Variants in EYS observed in about 807,000 individuals in gnomAD.
The protein encoded by EYS is EGF-like photoreceptor maintenance factor, also known as protein eyes shut homolog.
A neutral mutation model predicts 282.1 loss-of-function variants in EYS; 250 were observed. That is an observed-to-expected ratio of 0.89 (90% CI 0.80 to 0.98). EYS has a LOEUF of 0.98. Ranked by LOEUF, EYS falls within the 50% of genes least tolerant of loss-of-function variation. The pLI is 0.00. For missense variants in EYS, 4,016 were observed against 3,709.0 expected, an observed-to-expected ratio of 1.08 and a Z score of -2.15; for synonymous variants, 1,355 against 1,282.9, an observed-to-expected ratio of 1.06 and a Z score of -1.20.
chr6:65,562,479 G>A (rs534721500), intron 2 of EYS, among the ~76,000 whole-genome samples: 1 of 152,006 alleles, frequency 6.6e-6, no homozygotes, highest in Non-Finnish European at 1.5e-5. Flanking sequence ...TGGAAAGAAT[G>A]AAATAAGTGA....
At chr6:64,310,981 T>A (rs1769675354) in intron 29 of EYS, among the ~76,000 whole-genome samples, 1 of 152,106 alleles carries the variant, frequency 6.6e-6, no homozygotes, top group Non-Finnish European at 1.5e-5. Context: ...CAAAGGTTCT[T>A]GTTTTTATAA....
chr6:63,760,660 C>CTATCTATCTATT (rs1239513975), intron 41 of EYS, among the ~76,000 whole-genome samples: 1 of 93,796 alleles, frequency 1.1e-5, no homozygotes, highest in African/African-American at 3.9e-5. Flanking sequence ...ATCTATCTAT[C>CTATCTATCTATT]TATCTATCTA....
intron 8 of EYS, among the ~76,000 whole-genome samples, chr6:65,380,079 A>G (rs1045750257): frequency 6.6e-6 from 1 of 152,114 alleles, no homozygotes; most frequent in Non-Finnish European, 1.5e-5. Context: ...TATTCCCATC[A>G]ATCTTCCATC....
chr6:65,682,670 C>T (rs892258992), intron 1 of EYS, among the ~76,000 whole-genome samples: 5 of 151,772 alleles, frequency 3.3e-5, no homozygotes, highest in Admixed American at 6.6e-5. Context: ...TCTCCGGGAG[C>T]TCCAATATAG....
chr6:64,595,766 T>C (rs12209029), intron 24 of EYS, among the ~76,000 whole-genome samples: 84,875 of 151,978 alleles, frequency 0.56, 23,777 homozygotes, highest in South Asian at 0.65. Flanking sequence ...TACAAAACAC[T>C]GATGCAAGAC....
At chr6:64,515,232 A>G (rs1474303943) in intron 26 of EYS, among the ~76,000 whole-genome samples, 3 of 151,746 alleles carry the variant, frequency 2.0e-5, no homozygotes, top group African/African-American at 4.8e-5. Context: ...TGGATTAAGA[A>G]TAATTTTATG....
At position 65,164,744 on chromosome 6, in the gene EYS, G is replaced by T. The variant is rs563922904; in HGVS notation, c.2024-107017C>A. On this transcript the variant is annotated intron_variant, in intron 12 of 42. Transcript: ENST00000503581. ...AGGTGCCAGCGATGTTGGTTACTTC[G>T]GAGTGCTGTGAAAAAGAGTCGGTTT... Among the ~76,000 whole-genome samples the T allele has an allele frequency of 2.8e-4, 43 of 151,272 alleles. 1 individual carries two copies. Among genetic ancestry groups the T allele is most frequent in the African/African-American group, 1.0e-3 (43 of 41,384 alleles).
intron 22 of EYS, among the ~76,000 whole-genome samples, chr6:64,790,912 T>A (rs1056531469): frequency 1.3e-5 from 2 of 151,950 alleles, no homozygotes; most frequent in African/African-American, 4.8e-5. Flanking sequence ...AAAAATTTCC[T>A]CTCTACATAA....
intron 22 of EYS, among the ~76,000 whole-genome samples, chr6:64,739,893 A>G (rs183090799): frequency 2.0e-5 from 3 of 152,262 alleles, no homozygotes; most frequent in African/African-American, 7.2e-5. Context: ...AAATAAGTGA[A>G]TAGGAAATAA....
intron 22 of EYS, among the ~76,000 whole-genome samples, chr6:64,718,620 A>G (rs1313812341): frequency 6.6e-6 from 1 of 152,190 alleles, no homozygotes; most frequent in African/African-American, 2.4e-5. Context: ...TGCATAGCAC[A>G]GTACATTTTA....
intron 29 of EYS, among the ~76,000 whole-genome samples, chr6:64,366,407 T>G (rs112234086): frequency 6.6e-6 from 1 of 151,946 alleles, no homozygotes; most frequent in Non-Finnish European, 1.5e-5. Context: ...GAGAGAGAGA[T>G]AGAGATCCTC....
At chr6:64,967,771 G>T (rs1356157539) in intron 14 of EYS, among the ~76,000 whole-genome samples, 1 of 152,154 alleles carries the variant, frequency 6.6e-6, no homozygotes, top group African/African-American at 2.4e-5. Flanking sequence ...GAAGGCAGGT[G>T]CTAAATTTCA....
chr6:65,332,366 C>A, intron 11 of EYS: 1 of 940,380 alleles, frequency 1.1e-6, no homozygotes, highest in Non-Finnish European at 1.7e-6. Flanking sequence ...GCTGTATAAA[C>A]CTTTCTATAT....
At chr6:65,273,873 C>T (rs375976998) in intron 12 of EYS, among the ~76,000 whole-genome samples, 4 of 152,192 alleles carry the variant, frequency 2.6e-5, no homozygotes, top group South Asian at 4.1e-4. Flanking sequence ...AACAATCCTC[C>T]TGTTCTCCAT....
chr6:65,524,024 A>G (rs1033379198), intron 2 of EYS, among the ~76,000 whole-genome samples: 3 of 152,098 alleles, frequency 2.0e-5, no homozygotes, highest in Admixed American at 6.5e-5. Context: ...GACACACAAC[A>G]CCACGCCCTG....
intron 2 of EYS, among the ~76,000 whole-genome samples, chr6:65,584,959 A>G (rs116808736): frequency 0.027 from 4,137 of 151,306 alleles, 85 homozygotes; most frequent in Non-Finnish European, 0.04. Context: ...TATAATTTCA[A>G]TAAAAGTACA....
intron 2 of EYS, among the ~76,000 whole-genome samples, chr6:65,539,089 G>T (rs1361308141): frequency 6.6e-6 from 1 of 152,124 alleles, no homozygotes; most frequent in Non-Finnish European, 1.5e-5. Flanking sequence ...TTATTGCACT[G>T]CAAAATATAT....
At chr6:63,783,177 A>G (rs72886368) in intron 39 of EYS, among the ~76,000 whole-genome samples, 5,896 of 152,298 alleles carry the variant, frequency 0.039, 165 homozygotes, top group Non-Finnish European at 0.057. Flanking sequence ...TGTCCACTCT[A>G]TTCAGAGTAG....
chr6:63,738,561 G>A (rs534583626), intron 41 of EYS, among the ~76,000 whole-genome samples: 14 of 137,448 alleles, frequency 1.0e-4, no homozygotes, highest in Non-Finnish European at 2.0e-4. Flanking sequence ...CACAGGAAGG[G>A]GAACATCACA....
Sources: allele counts gnomAD v4.1 joint callset (sites outside exome capture counted in the v4.1 genomes callset), GRCh38; gene constraint gnomAD v4.1.1; transcripts MANE v1.5; gene names NCBI Gene and HGNC (gene_info 2026-07-23, HGNC 2026-07-21).